CTNNA3: variants seen among roughly 807,000 people sequenced by gnomAD.
CTNNA3 encodes catenin alpha-3.
In CTNNA3, 76 loss-of-function variants were observed where a neutral mutation model predicts 95.7. That is an observed-to-expected ratio of 0.79 (90% CI 0.66 to 0.96). The LOEUF is 0.96. CTNNA3 is among the 40% of genes least tolerant of loss of function. The probability of loss-of-function intolerance (pLI) is 0.00; values close to 1 mark genes in which losing one functional copy is unlikely to be tolerated. For missense variants in CTNNA3, 1,191 were observed against 1,089.8 expected, an observed-to-expected ratio of 1.09 and a Z score of -1.31; for synonymous variants, 431 against 374.4, an observed-to-expected ratio of 1.15 and a Z score of -1.74.
At chr10:66,011,589 C>CA (rs893168543) in intron 15 of CTNNA3, among the ~76,000 whole-genome samples, 10 of 151,260 alleles carry the variant, frequency 6.6e-5, no homozygotes, top group African/African-American at 1.5e-4. Context: ...GCCCCAATTA[C>CA]AAAAAAAAAT....
chr10:66,377,901 G>A (rs186857809), intron 12 of CTNNA3, among the ~76,000 whole-genome samples: 6 of 152,202 alleles, frequency 3.9e-5, no homozygotes, highest in Admixed American at 3.9e-4. Context: ...ACTTTGAGGA[G>A]TGGATATAGC....
At chr10:66,050,368 C>T (rs1171274338) in intron 15 of CTNNA3, among the ~76,000 whole-genome samples, 1 of 150,652 alleles carries the variant, frequency 6.6e-6, no homozygotes, top group South Asian at 2.1e-4. Flanking sequence ...ATATTTTTCT[C>T]GATTATCCAT....
intron 9 of CTNNA3, among the ~76,000 whole-genome samples, chr10:66,748,317 A>G (rs1564656289): frequency 6.6e-6 from 1 of 152,160 alleles, no homozygotes; most frequent in Non-Finnish European, 1.5e-5. Flanking sequence ...TAAAAATTAT[A>G]CTACTGCTTT....
chr10:67,195,027 G>A (rs1863284458), intron 6 of CTNNA3, among the ~76,000 whole-genome samples: 1 of 151,834 alleles, frequency 6.6e-6, no homozygotes, highest in African/African-American at 2.4e-5. Context: ...ATCTTAGGAT[G>A]GGAAGAATCA....
rs1402791543 is a variant in CTNNA3 at position 66,103,272 on chromosome 10, T to G, written c.1885-23A>C. Reference sequence around the variant, plus strand: ...GGTCTATAAAAAGAAAGCAAAACATTGCTAGTGGGAATGTAAAAGCATTTC... The same window carrying G: ...GGTCTATAAAAAGAAAGCAAAACATGGCTAGTGGGAATGTAAAAGCATTTC... On this transcript the variant is annotated intron_variant, in intron 13 of 17. Coordinates refer to ENST00000433211, the MANE Select transcript of CTNNA3 (RefSeq NM_013266.4). 3 of 1,561,908 alleles carry G rather than the reference T, an allele frequency of 1.9e-6. No homozygotes were observed. In the African/African-American group the frequency reaches 4.1e-5, roughly 21 times the overall value.
rs6480185 is a variant in CTNNA3 at position 66,625,293 on chromosome 10, C to T, written c.1282-3509G>A. On this transcript the variant is annotated intron_variant, in intron 9 of 17. Coordinates refer to ENST00000433211, the MANE Select transcript of CTNNA3 (RefSeq NM_013266.4). ...ATTGCCCTATTTGGGCTCTAAAAAA[C>T]ATTGTAGATGAGAATGCCTAGCCAG... Among the ~76,000 whole-genome samples, 1,228 of 152,232 alleles carry T rather than the reference C, an allele frequency of 8.1e-3. 17 individuals are homozygous for T. The highest frequency in any genetic ancestry group is 0.02 in the Admixed American group (311 of 15,282).
At chr10:66,965,217 C>G (rs1313948548) in intron 7 of CTNNA3, among the ~76,000 whole-genome samples, 1 of 151,716 alleles carries the variant, frequency 6.6e-6, no homozygotes, top group African/African-American at 2.4e-5. Context: ...GTTTAAAAAG[C>G]TGGGTTTTTT....
intron 3 of CTNNA3, among the ~76,000 whole-genome samples, chr10:67,564,071 C>G (rs10997719): frequency 0.14 from 20,682 of 148,564 alleles, 3,871 homozygotes; most frequent in African/African-American, 0.4. Flanking sequence ...CAACCATTGT[C>G]GAAGACAGTG....
At chr10:66,229,806 G>T (rs2089498162) in intron 13 of CTNNA3, among the ~76,000 whole-genome samples, 1 of 151,962 alleles carries the variant, frequency 6.6e-6, no homozygotes. Flanking sequence ...CATTAAATAG[G>T]TTTCTGCCTT....
chr10:66,372,470 C>T (rs1380696499), intron 12 of CTNNA3, among the ~76,000 whole-genome samples: 2 of 152,146 alleles, frequency 1.3e-5, no homozygotes, highest in Admixed American at 1.3e-4. Context: ...AATAACCACA[C>T]AGCATGTTCC....
intron 7 of CTNNA3, among the ~76,000 whole-genome samples, chr10:66,972,919 CAAGTTT>C (rs1183244441): frequency 1.3e-5 from 2 of 151,730 alleles, no homozygotes; most frequent in Non-Finnish European, 2.9e-5. Context: ...ACCATGTTGA[CAAGTTT>C]CATAGATTAA....
intron 11 of CTNNA3, among the ~76,000 whole-genome samples, chr10:66,452,953 T>C (rs2093473974): frequency 6.6e-6 from 1 of 152,132 alleles, no homozygotes; most frequent in Non-Finnish European, 1.5e-5. Flanking sequence ...CAGTGGCTCA[T>C]GCCTGTAATC....
chr10:67,490,558 A>G (rs2133077663), intron 5 of CTNNA3, among the ~76,000 whole-genome samples: 1 of 152,336 alleles, frequency 6.6e-6, no homozygotes, highest in South Asian at 2.1e-4. Flanking sequence ...CTACCTGGGG[A>G]ACAAGGGCAA....
chr10:66,562,843 T>A (rs954627738), intron 10 of CTNNA3, among the ~76,000 whole-genome samples: 1 of 152,140 alleles, frequency 6.6e-6, no homozygotes, highest in Non-Finnish European at 1.5e-5. Context: ...GAAATATCTT[T>A]ATACTATTTG....
intron 2 of CTNNA3, among the ~76,000 whole-genome samples, chr10:67,637,388 T>C (rs2133451651): frequency 6.6e-6 from 1 of 152,334 alleles, no homozygotes. Context: ...CTATGTCTGA[T>C]TCGTGTACCT....
chr10:66,199,805 ATTTTTTTT>A (rs1226520776), intron 13 of CTNNA3, among the ~76,000 whole-genome samples: 128 of 14,172 alleles, frequency 9.0e-3, no homozygotes, highest in South Asian at 0.017. Context: ...ATATATATAT[ATTTTTTTT>A]TTTTTTTTTT....
intron 13 of CTNNA3, among the ~76,000 whole-genome samples, chr10:66,191,080 G>A (rs1191261582): frequency 6.6e-6 from 1 of 152,030 alleles, no homozygotes; most frequent in Non-Finnish European, 1.5e-5. Flanking sequence ...AGAGGCAGGT[G>A]GACAGGACTT....
At chr10:66,140,176 GA>G (rs2083543346) in intron 13 of CTNNA3, among the ~76,000 whole-genome samples, 1 of 152,286 alleles carries the variant, frequency 6.6e-6, no homozygotes, top group Non-Finnish European at 1.5e-5. Context: ...CCTAAAGAGA[GA>G]AAACCTATTA....
At chr10:67,412,767 A>G (rs998140947) in intron 5 of CTNNA3, among the ~76,000 whole-genome samples, 3 of 152,136 alleles carry the variant, frequency 2.0e-5, no homozygotes, top group Non-Finnish European at 4.4e-5. Flanking sequence ...TAAGCTTCAT[A>G]ACTGAAGGAG....
Sources: allele counts gnomAD v4.1 joint callset (sites outside exome capture counted in the v4.1 genomes callset), GRCh38; gene constraint gnomAD v4.1.1; transcripts MANE v1.5; gene names NCBI Gene and HGNC (gene_info 2026-07-23, HGNC 2026-07-21).